Variants in GRXCR1 observed in about 807,000 individuals in gnomAD.
GRXCR1 encodes the protein glutaredoxin domain-containing cysteine-rich protein 1.
Under a neutral mutation model 27.3 loss-of-function variants are expected in GRXCR1, and 27 were observed. The ratio of observed to expected loss-of-function variants is 0.99; its 90% CI spans 0.73 to 1.37. The LOEUF is 1.37. Ranked by LOEUF, GRXCR1 falls within the 40% of genes most tolerant of loss-of-function variation. GRXCR1 has a pLI of 0.00. For synonymous variants in GRXCR1, 122 were observed against 131.1 expected (o/e 0.93, Z 0.47); for missense variants, 379 against 354.4 (o/e 1.07, Z -0.56).
At chr4:42,991,307 A>G (rs1295492135) in intron 2 of GRXCR1, among the ~76,000 whole-genome samples, 2 of 152,094 alleles carry the variant, frequency 1.3e-5, no homozygotes, top group Non-Finnish European at 2.9e-5. Flanking sequence ...TTATGCTTTA[A>G]TAAATAGAAC....
chr4:42,971,816 T>C (rs1158015937), intron 2 of GRXCR1, among the ~76,000 whole-genome samples: 3 of 152,120 alleles, frequency 2.0e-5, no homozygotes, highest in Non-Finnish European at 4.4e-5. Context: ...CAAAGACAGC[T>C]AGAAAGTAGG....
At chr4:42,939,093 T>G (rs1747535095) in intron 1 of GRXCR1, among the ~76,000 whole-genome samples, 1 of 152,076 alleles carries the variant, frequency 6.6e-6, no homozygotes, top group Admixed American at 6.6e-5. Context: ...TAGATTGCTT[T>G]GGCTAGACAT....
chr4:42,997,369 G>C (rs927968129), intron 2 of GRXCR1, among the ~76,000 whole-genome samples: 1 of 151,966 alleles, frequency 6.6e-6, no homozygotes, highest in African/African-American at 2.4e-5. Flanking sequence ...GCAGTGTCCT[G>C]GCTAATATTC....
chr4:43,021,254 G>C (rs990554268), intron 3 of GRXCR1, among the ~76,000 whole-genome samples: 2 of 152,000 alleles, frequency 1.3e-5, no homozygotes, highest in East Asian at 3.9e-4. Flanking sequence ...AAGTTGTTCT[G>C]TCTGCCTAGA....
At chr4:42,986,098 G>C (rs185929705) in intron 2 of GRXCR1, among the ~76,000 whole-genome samples, 1 of 152,222 alleles carries the variant, frequency 6.6e-6, no homozygotes, top group East Asian at 1.9e-4. Flanking sequence ...TTGTGTTGTG[G>C]TTTTGTTTTG....
chr4:42,916,938 T>C (rs983758912), intron 1 of GRXCR1, among the ~76,000 whole-genome samples: 1 of 152,136 alleles, frequency 6.6e-6, no homozygotes, highest in Admixed American at 6.6e-5. Flanking sequence ...TGTAAGGTTC[T>C]CCAATATATA....
chr4:43,017,228 C>T (rs1022865984), intron 2 of GRXCR1, among the ~76,000 whole-genome samples: 22 of 152,302 alleles, frequency 1.4e-4, no homozygotes, highest in Admixed American at 1.2e-3. Context: ...TTCTTGGGCA[C>T]CTAGTCAACA....
intron 1 of GRXCR1, among the ~76,000 whole-genome samples, chr4:42,937,018 A>G (rs1449801347): frequency 6.6e-6 from 1 of 151,816 alleles, no homozygotes. Flanking sequence ...GCTCACATTT[A>G]CCAGGTGAGG....
At chr4:42,929,774 A>C (rs2109755681) in intron 1 of GRXCR1, among the ~76,000 whole-genome samples, 1 of 152,114 alleles carries the variant, frequency 6.6e-6, no homozygotes, top group African/African-American at 2.4e-5. Context: ...ACCATTCCTC[A>C]AAATAATCCT....
chr4:42,955,649 T>C lies in GRXCR1; in HGVS notation c.385-7243T>C, dbSNP rs546712548. ...ACACTATGTAAGTTATTGTGAGGAA[T>C]TGATGAATATAAAGTTATTAGCATT... On this transcript the variant is annotated intron_variant, in intron 1 of 3. Coordinates refer to ENST00000399770, the MANE Select transcript of GRXCR1 (RefSeq NM_001080476.3). 3.3e-5 allele frequency among the ~76,000 whole-genome samples: 5 copies of C among 152,292 alleles called. No homozygotes were observed. The South Asian group carries it at 6.2e-4, about 19-fold the overall frequency.
intron 2 of GRXCR1, among the ~76,000 whole-genome samples, chr4:43,001,403 T>C (rs1355388875): frequency 6.6e-6 from 1 of 152,134 alleles, no homozygotes; most frequent in African/African-American, 2.4e-5. Flanking sequence ...CTCGCTCTCT[T>C]ATTTGAGTTT....
chr4:42,961,021 C>CCCCAGTGT (rs1748119452), intron 1 of GRXCR1, among the ~76,000 whole-genome samples: 1 of 151,916 alleles, frequency 6.6e-6, no homozygotes, highest in Non-Finnish European at 1.5e-5. Context: ...CTCTGACAGG[C>CCCCAGTGT]CCCAGTGTGT....
At chr4:42,896,018 T>C (rs1039218244) in intron 1 of GRXCR1, among the ~76,000 whole-genome samples, 1 of 152,174 alleles carries the variant, frequency 6.6e-6, no homozygotes, top group African/African-American at 2.4e-5. Flanking sequence ...GCCAATCTTA[T>C]TGAAGCAAGG....
At chr4:43,001,199 G>T (rs181510335) in intron 2 of GRXCR1, among the ~76,000 whole-genome samples, 137 of 151,800 alleles carry the variant, frequency 9.0e-4, no homozygotes, top group African/African-American at 3.2e-3. Context: ...TTTCCCCCCG[G>T]TGTACAATTA....
intron 2 of GRXCR1, among the ~76,000 whole-genome samples, chr4:42,998,951 T>C (rs1030766841): frequency 6.6e-6 from 1 of 152,206 alleles, no homozygotes; most frequent in Non-Finnish European, 1.5e-5. Flanking sequence ...CCGGTACCTA[T>C]ATTAGATCCT....
intron 2 of GRXCR1, among the ~76,000 whole-genome samples, chr4:42,998,939 G>A (rs997499524): frequency 3.9e-5 from 6 of 152,174 alleles, no homozygotes; most frequent in African/African-American, 1.4e-4. Context: ...GTGACTTGAT[G>A]TCCGGTACCT....
At chr4:43,012,087 G>A (rs1712768388) in intron 2 of GRXCR1, among the ~76,000 whole-genome samples, 2 of 152,048 alleles carry the variant, frequency 1.3e-5, no homozygotes, top group Non-Finnish European at 2.9e-5. Flanking sequence ...CCTGCTGAGT[G>A]ATTAAATATC....
At chr4:43,008,549 C>A (rs1380876044) in intron 2 of GRXCR1, among the ~76,000 whole-genome samples, 1 of 152,160 alleles carries the variant, frequency 6.6e-6, no homozygotes, top group Non-Finnish European at 1.5e-5. Flanking sequence ...TAATATATTA[C>A]TATCATAGTG....
chr4:42,961,529 C>A (rs1259058330), intron 1 of GRXCR1, among the ~76,000 whole-genome samples: 1 of 151,924 alleles, frequency 6.6e-6, no homozygotes, highest in Non-Finnish European at 1.5e-5. Flanking sequence ...ATCTGTGTAA[C>A]ATTTCTCTAT....
Sources: allele counts gnomAD v4.1 joint callset (sites outside exome capture counted in the v4.1 genomes callset), GRCh38; gene constraint gnomAD v4.1.1; transcripts MANE v1.5; gene names NCBI Gene and HGNC (gene_info 2026-07-23, HGNC 2026-07-21).